MTCL2: variants seen among roughly 807,000 people sequenced by gnomAD.
The protein encoded by MTCL2 is microtubule cross-linking factor 2.
the MTCL2 span, chr20:36,780,659 G>A: frequency 6.6e-6 from 1 of 152,204 alleles, no homozygotes; most frequent in South Asian, 2.1e-4. Flanking sequence ...GAGACTCGCA[G>A]GCACAGTGTT....
chr20:36,808,557 G>T, the MTCL2 span: 1 of 1,608,992 alleles, frequency 6.2e-7, no homozygotes, highest in Non-Finnish European at 8.5e-7. Flanking sequence ...TTGCCCTGCC[G>T]CCAGCGCTTG....
the MTCL2 span, among the ~76,000 whole-genome samples, chr20:36,825,137 T>A: frequency 6.6e-6 from 1 of 151,220 alleles, no homozygotes. Flanking sequence ...GAAGTGGGGT[T>A]TCACCATGTT....
chr20:36,777,887 T>C, the MTCL2 span: 1 of 611,824 alleles, frequency 1.6e-6, no homozygotes, highest in Non-Finnish European at 2.9e-6. Flanking sequence ...CTACAAGGTA[T>C]CCCTGGGGTT....
chr20:36,817,488 A>T, the MTCL2 span: 239 of 225,626 alleles, frequency 1.1e-3, no homozygotes, highest in Non-Finnish European at 1.4e-3. Flanking sequence ...AGATTTAATT[A>T]AAAAAAAAAA....
At chr20:36,814,432 C>T in the MTCL2 span, among the ~76,000 whole-genome samples, 1 of 152,152 alleles carries the variant, frequency 6.6e-6, no homozygotes, top group Non-Finnish European at 1.5e-5. Context: ...CTACTAGACA[C>T]ACACAAATAC....
At chr20:36,808,738 C>A in the MTCL2 span, 1 of 1,585,186 alleles carries the variant, frequency 6.3e-7, no homozygotes, top group Middle Eastern at 1.7e-4. Flanking sequence ...GCTGGTCCTC[C>A]TTCAGCTGCC....
At chr20:36,815,708 C>A in the MTCL2 span, 3 of 1,602,200 alleles carry the variant, frequency 1.9e-6, no homozygotes, top group Non-Finnish European at 2.6e-6. This position sits in a 1 kb window ranked among gnomAD's most constrained non-coding sequence, Gnocchi z 5.3. Flanking sequence ...CGCCGATCTG[C>A]AGCTTGGCGG....
chr20:36,827,497 A>T, the MTCL2 span, among the ~76,000 whole-genome samples: 1 of 147,570 alleles, frequency 6.8e-6, no homozygotes, highest in East Asian at 2.0e-4. Context: ...ACACCTGGAT[A>T]ATTTTTGCAT....
the MTCL2 span, chr20:36,805,025 A>G: frequency 9.6e-7 from 1 of 1,045,300 alleles, no homozygotes; most frequent in Admixed American, 2.4e-5. Context: ...AAGTCCCACA[A>G]CCTCCCTAGG....
the MTCL2 span, among the ~76,000 whole-genome samples, chr20:36,841,874 G>GGTGTGTGTGT: frequency 2.8e-3 from 309 of 110,848 alleles, 2 homozygotes; most frequent in African/African-American, 7.3e-3. Context: ...TGGGGGGTGG[G>GGTGTGTGTGT]GTGTGTGTGT....
chr20:36,813,941 C>T, the MTCL2 span, among the ~76,000 whole-genome samples: 1 of 152,114 alleles, frequency 6.6e-6, no homozygotes, highest in African/African-American at 2.4e-5. Context: ...CTCCTTCCGC[C>T]TCTGATCTGA....
At chr20:36,837,737 C>T in the MTCL2 span, among the ~76,000 whole-genome samples, 7 of 151,954 alleles carry the variant, frequency 4.6e-5, no homozygotes, top group African/African-American at 1.4e-4. Context: ...CCACCACACT[C>T]GGCTAATTTG....
At chr20:36,827,929 C>T in the MTCL2 span, among the ~76,000 whole-genome samples, 1 of 152,214 alleles carries the variant, frequency 6.6e-6, no homozygotes. Context: ...AGGGGGCTAG[C>T]CACCCTTAGC....
At chr20:36,858,741 C>T in the MTCL2 span, among the ~76,000 whole-genome samples, 1 of 152,152 alleles carries the variant, frequency 6.6e-6, no homozygotes, top group Non-Finnish European at 1.5e-5. Context: ...TCACACTTCC[C>T]TGATTCCTGA....
the MTCL2 span, among the ~76,000 whole-genome samples, chr20:36,856,142 G>C: frequency 6.6e-6 from 1 of 152,148 alleles, no homozygotes; most frequent in African/African-American, 2.4e-5. Context: ...TCAAGCCTGT[G>C]GTCCACCTCC....
the MTCL2 span, chr20:36,815,146 CTT>C: frequency 6.2e-7 from 1 of 1,600,290 alleles, no homozygotes; most frequent in East Asian, 2.2e-5. The surrounding 1 kb of genome is among the most constrained non-coding windows in gnomAD (Gnocchi z 5.3). Context: ...GAGCCAAGGT[CTT>C]TTGCCAGAAG....
At chr20:36,826,808 C>T in the MTCL2 span, among the ~76,000 whole-genome samples, 4 of 152,212 alleles carry the variant, frequency 2.6e-5, no homozygotes, top group African/African-American at 7.2e-5. Context: ...GCTATGAACA[C>T]GGGTGTGTAA....
chr20:36,843,295 C>CT, the MTCL2 span, among the ~76,000 whole-genome samples: 1 of 152,174 alleles, frequency 6.6e-6, no homozygotes, highest in Non-Finnish European at 1.5e-5. Context: ...CCAGCGCCCC[C>CT]TGAGGCTGGA....
At chr20:36,856,593 G>T in the MTCL2 span, among the ~76,000 whole-genome samples, 2 of 152,208 alleles carry the variant, frequency 1.3e-5, no homozygotes, top group African/African-American at 4.8e-5. Context: ...GGACCTGGGG[G>T]ACTTCGGTGT....
Sources: allele counts gnomAD v4.1 joint callset (sites outside exome capture counted in the v4.1 genomes callset), GRCh38; gene constraint gnomAD v4.1.1; non-coding constraint Gnocchi (gnomAD v3.1); transcripts MANE v1.5; gene names NCBI Gene and HGNC (gene_info 2026-07-23, HGNC 2026-07-21).